Variants in NPHS2 observed in about 807,000 individuals in gnomAD.
The protein encoded by NPHS2 is podocin.
Under a neutral mutation model 37.1 loss-of-function variants are expected in NPHS2, and 36 were observed. The observed-to-expected ratio is 0.97, with a 90% confidence interval of 0.74 to 1.28. The LOEUF is 1.28. NPHS2 is among the 50% of genes most tolerant of loss of function. NPHS2 has a pLI of 0.00. For synonymous variants in NPHS2, 196 were observed against 189.3 expected, an observed-to-expected ratio of 1.04 and a Z score of -0.29; for missense variants, 447 against 488.1, an observed-to-expected ratio of 0.92 and a Z score of 0.79.
chr1:179,559,845 A>T, intron 3 of NPHS2, 84 bp from the exon 4 acceptor site: 1 of 821,578 alleles, frequency 1.2e-6, no homozygotes. Context: ...CAGGTTGCAC[A>T]CTACATTACT....
intron 1 of NPHS2, 22 bp from the exon 2 acceptor site, chr1:179,564,815 G>A (rs554241572): frequency 1.3e-6 from 2 of 1,579,296 alleles, no homozygotes; most frequent in East Asian, 4.5e-5. Flanking sequence ...TAAAGCAAAA[G>A]AATAATTATA....
chr1:179,550,655 G>T lies in NPHS2; in HGVS notation c.*518C>A, dbSNP rs947487836. The T allele has an allele frequency of 2.9e-5, 5 of 174,466 alleles. No homozygotes were observed. Among genetic ancestry groups the T allele is most frequent in the Admixed American group, 5.4e-5 (1 of 18,424 alleles). The allele number at this position is 174,466 out of a possible 1,614,324, so 10.8% of individuals were successfully genotyped here. On this transcript the variant is annotated 3_prime_UTR_variant, in exon 8 of 8. Transcript: ENST00000367615. ...CACTTTAGGTAACTATCAGGGTTAG[G>T]TGTGAGGAATTCAGGGTGGAGCAAA...
At chr1:179,564,620 T>C in intron 2 of NPHS2, 70 bp downstream of exon 2, 1 of 1,272,856 alleles carries the variant, frequency 7.9e-7, no homozygotes, top group East Asian at 2.3e-5. Context: ...AAAACAGAAG[T>C]GAGAATGGGC....
At chr1:179,563,215 G>T (rs1194279002) in intron 2 of NPHS2, among the ~76,000 whole-genome samples, 2 of 152,190 alleles carry the variant, frequency 1.3e-5, no homozygotes, top group Admixed American at 1.3e-4. Flanking sequence ...AAGCAAACAT[G>T]TTACTAGCAA....
intron 2 of NPHS2, among the ~76,000 whole-genome samples, chr1:179,563,881 C>T (rs951388670): frequency 9.2e-5 from 14 of 152,148 alleles, no homozygotes; most frequent in African/African-American, 7.2e-5. Flanking sequence ...CCAACAACAG[C>T]CCCAGCAGCA....
chr1:179,571,670 C>T (rs951931075), intron 1 of NPHS2, among the ~76,000 whole-genome samples: 3 of 152,346 alleles, frequency 2.0e-5, no homozygotes, highest in East Asian at 3.9e-4. Context: ...ATGCCCTGCT[C>T]ACAGAGGTGG....
At chr1:179,562,230 G>A (rs12740826) in intron 2 of NPHS2, among the ~76,000 whole-genome samples, 28,415 of 152,200 alleles carry the variant, frequency 0.19, 2,843 homozygotes, top group East Asian at 0.35. Flanking sequence ...TATTAGAAGA[G>A]AAATAGAGAA....
chr1:179,554,766 A>C, intron 5 of NPHS2: 2 of 598,606 alleles, frequency 3.3e-6, no homozygotes, highest in Middle Eastern at 4.5e-4. Flanking sequence ...AATGGTCCCC[A>C]AAGATATCCC....
At chr1:179,559,464 C>G (rs1173044580) in intron 4 of NPHS2, among the ~76,000 whole-genome samples, 1 of 152,004 alleles carries the variant, frequency 6.6e-6, no homozygotes, top group African/African-American at 2.4e-5. Context: ...AATATTAACC[C>G]TTTATGAGAT....
chr1:179,553,223 G>A (rs1673578743), intron 6 of NPHS2, among the ~76,000 whole-genome samples: 2 of 152,178 alleles, frequency 1.3e-5, no homozygotes, highest in Admixed American at 6.5e-5. Flanking sequence ...GTTAAATACG[G>A]AGTTACCATG....
chr1:179,554,658 T>C, intron 5 of NPHS2, 127 bp from the exon 6 acceptor site: 2 of 1,312,404 alleles, frequency 1.5e-6, no homozygotes, highest in East Asian at 2.3e-5. Context: ...ATTTGCCTGT[T>C]GTATTTAACT....
chr1:179,552,760 T>C, intron 6 of NPHS2, 79 bp from the exon 7 acceptor site: 1 of 1,069,972 alleles, frequency 9.3e-7, no homozygotes, highest in Non-Finnish European at 1.4e-6. Flanking sequence ...CTTGCAAGCC[T>C]CTCTACTGCT....
In NPHS2 at chr1:179,556,991, A is replaced by G. The variant is rs1673953615; in HGVS notation, c.738+36T>C. 6.6e-7 allele frequency: 1 copy of G among 1,515,556 alleles called. No homozygotes were observed. The highest frequency in any genetic ancestry group is 2.3e-5 in the East Asian group (1 of 43,700). The allele number at this position is 1,515,556 out of a possible 1,614,324, so 93.9% of individuals were successfully genotyped here. A position where few individuals can be genotyped will look rare whatever the true frequency, so the allele number is the denominator to read the frequency against. ...ATGAACAAATGAATAAAAGATAAATATTTCAGCATATTGGCCATTATGTTT... is the reference window on the plus strand; with the variant it reads ...ATGAACAAATGAATAAAAGATAAATGTTTCAGCATATTGGCCATTATGTTT... On this transcript the variant is annotated intron_variant, in intron 5 of 7. Coordinates refer to ENST00000367615, the MANE Select transcript of NPHS2 (RefSeq NM_014625.4). The surrounding 1 kb of genome is among the most constrained non-coding windows in gnomAD (Gnocchi z 4.1).
Position 179,575,483 on chromosome 1 carries a change from A to C in NPHS2, c.274+108T>G. The C allele has an allele frequency of 2.0e-6, 3 of 1,464,856 alleles. No individual in the cohort carries two copies. The South Asian group carries it at 3.6e-5, about 17-fold the overall frequency. 90.7% of individuals were successfully genotyped at this position (1,464,856 alleles called of 1,614,324 possible). On this transcript the variant is annotated intron_variant, in intron 1 of 7. Coordinates refer to ENST00000367615, the MANE Select transcript of NPHS2 (RefSeq NM_014625.4). ...GTTCCTGGGAACCTGAGCATCCAGC[A>C]ATCTGCTCTGGCTTCAGTGGGTCTC...
chr1:179,564,537 T>C (rs1441290649), intron 2 of NPHS2, among the ~76,000 whole-genome samples, 153 bp downstream of exon 2: 3 of 152,142 alleles, frequency 2.0e-5, no homozygotes, highest in Non-Finnish European at 4.4e-5. Flanking sequence ...GAGCAAGGTC[T>C]TGGAGGAGTA....
chr1:179,569,449 A>G (rs1018048680), intron 1 of NPHS2, among the ~76,000 whole-genome samples: 1 of 152,160 alleles, frequency 6.6e-6, no homozygotes, highest in South Asian at 2.1e-4. Context: ...TGCACATCAG[A>G]TGGGTCTCTG....
rs560538608 is a variant in NPHS2 at position 179,556,430 on chromosome 1, C to T, written c.738+597G>A. ...TTGGTAAGAATCAAAGCCACCGACC[C>T]TGGCCGTGAATGAGCTTGCTGAGCT... On this transcript the variant is annotated intron_variant, in intron 5 of 7. Transcript: ENST00000367615. This position sits in a 1 kb window ranked among gnomAD's most constrained non-coding sequence, Gnocchi z 4.1. 5.0e-4 allele frequency among the ~76,000 whole-genome samples: 76 copies of T among 152,348 alleles called. No homozygotes were observed. The highest frequency in any genetic ancestry group is 1.8e-3 in the African/African-American group (75 of 41,586).
At chr1:179,568,999 A>G (rs1451526650) in intron 1 of NPHS2, among the ~76,000 whole-genome samples, 1 of 152,096 alleles carries the variant, frequency 6.6e-6, no homozygotes. Context: ...AATAAATATG[A>G]TGTGGTGCTG....
chr1:179,554,988 T>G (rs1035034621), intron 5 of NPHS2, among the ~76,000 whole-genome samples: 11 of 152,266 alleles, frequency 7.2e-5, no homozygotes, highest in African/African-American at 2.2e-4. Context: ...AATGGAATGA[T>G]GCACTCTAAA....
Sources: allele counts gnomAD v4.1 joint callset (sites outside exome capture counted in the v4.1 genomes callset), GRCh38; gene constraint gnomAD v4.1.1; non-coding constraint Gnocchi (gnomAD v3.1); transcripts MANE v1.5; gene names NCBI Gene and HGNC (gene_info 2026-07-23, HGNC 2026-07-21).